The following TMEFF2 variants were observed in gnomAD, a reference collection of about 807,000 sequenced individuals.
TMEFF2 encodes the protein tomoregulin-2.
In TMEFF2, 28 loss-of-function variants were observed where a neutral mutation model predicts 53.8. That is an observed-to-expected ratio of 0.52 (90% CI 0.39 to 0.71). TMEFF2 has a LOEUF of 0.71. Ranked by LOEUF, TMEFF2 falls within the 30% of genes least tolerant of loss-of-function variation. The pLI, the probability that TMEFF2 is intolerant of heterozygous loss-of-function variation, is 0.00. For missense variants in TMEFF2, 353 were observed against 455.2 expected, an observed-to-expected ratio of 0.78 and a Z score of 2.04; for synonymous variants, 162 against 166.3, an observed-to-expected ratio of 0.97 and a Z score of 0.20.
chr2:191,951,792 G>A (rs1691892348), intron 9 of TMEFF2, among the ~76,000 whole-genome samples: 1 of 152,150 alleles, frequency 6.6e-6, no homozygotes. Context: ...AGGCAGATTT[G>A]TAAAAGGCAT....
chr2:191,964,214 TTCTGTCTG>T (rs201022991), intron 7 of TMEFF2, among the ~76,000 whole-genome samples: 3 of 148,560 alleles, frequency 2.0e-5, no homozygotes, highest in African/African-American at 5.0e-5. Context: ...CTTTCTCTCT[TTCTGTCTG>T]TCTTTCTTTC....
At chr2:191,953,320 G>T (rs190125267) in intron 9 of TMEFF2, among the ~76,000 whole-genome samples, 2 of 152,204 alleles carry the variant, frequency 1.3e-5, no homozygotes, top group Admixed American at 1.3e-4. Context: ...TGCATTTTGT[G>T]ACTGAAAACT....
At position 191,952,094 on chromosome 2, in the gene TMEFF2, A is replaced by C. The variant is rs545422901; in HGVS notation, c.1028+1585T>G. ...GCTGTGTGAAGTCAGCAATTTGCCAACTTCTACCTCAGGGTCTCTATCTTG... is the reference window on the plus strand; with the variant it reads ...GCTGTGTGAAGTCAGCAATTTGCCACCTTCTACCTCAGGGTCTCTATCTTG... On this transcript the variant is annotated intron_variant, in intron 9 of 9. Transcript: ENST00000272771. 3.3e-5 allele frequency among the ~76,000 whole-genome samples: 5 copies of C among 152,262 alleles called. No individual in the cohort carries two copies. The South Asian group carries it at 1.0e-3, about 32-fold the overall frequency.
intron 7 of TMEFF2, chr2:191,992,772 T>G (rs1389857185): frequency 2.0e-5 from 3 of 152,104 alleles, no homozygotes; most frequent in Non-Finnish European, 4.4e-5. Context: ...AAGGAAAAAT[T>G]TAAAAGCAAA....
intron 5 of TMEFF2, among the ~76,000 whole-genome samples, chr2:192,025,924 A>T (rs1686960946): frequency 6.6e-6 from 1 of 152,208 alleles, no homozygotes; most frequent in Admixed American, 6.5e-5. Context: ...CAACACATTT[A>T]TTTCTAAACT....
At chr2:192,164,753 C>T (rs1362286571) in intron 4 of TMEFF2, among the ~76,000 whole-genome samples, 1 of 151,144 alleles carries the variant, frequency 6.6e-6, no homozygotes, top group African/African-American at 2.4e-5. Flanking sequence ...AGTAACCACA[C>T]TCTGAAATGT....
At chr2:191,997,935 A>C (rs1337821699) in intron 7 of TMEFF2, among the ~76,000 whole-genome samples, 1 of 151,928 alleles carries the variant, frequency 6.6e-6, no homozygotes, top group Non-Finnish European at 1.5e-5. Context: ...ATTTATTATA[A>C]TATATTGCCA....
At position 191,949,506 on chromosome 2, in the gene TMEFF2, T is replaced by A. The variant is rs1028121968; in HGVS notation, c.*805A>T. The A allele has an allele frequency of 2.0e-6, 2 of 985,314 alleles. No homozygotes were observed. The highest frequency in any genetic ancestry group is 9.4e-5 in the South Asian group (2 of 21,290). 61.0% of individuals were successfully genotyped at this position (985,314 alleles called of 1,614,324 possible). The stretch of plus-strand genomic sequence containing the variant: ...ACATCTAGTGGTGTTATTACATTTT[T>A]CCCCTGGTAATTCCACCCACCTAAA... On this transcript the variant is annotated 3_prime_UTR_variant, in exon 10 of 10. Transcript: ENST00000272771.
chr2:192,133,145 G>T (rs998282752), intron 4 of TMEFF2, among the ~76,000 whole-genome samples: 1 of 151,896 alleles, frequency 6.6e-6, no homozygotes, highest in African/African-American at 2.4e-5. Flanking sequence ...CTCCTTTTTA[G>T]TTATCCCCAC....
chr2:192,041,726 G>C (rs965573314), intron 5 of TMEFF2, among the ~76,000 whole-genome samples: 4 of 152,132 alleles, frequency 2.6e-5, no homozygotes, highest in African/African-American at 9.7e-5. Context: ...TTCCTCAACT[G>C]ATGAACAAAT....
At chr2:192,116,310 T>A (rs187899775) in intron 4 of TMEFF2, among the ~76,000 whole-genome samples, 1 of 152,074 alleles carries the variant, frequency 6.6e-6, no homozygotes, top group East Asian at 1.9e-4. Flanking sequence ...AGAGTGTGAT[T>A]ACGGAGTGGG....
intron 7 of TMEFF2, among the ~76,000 whole-genome samples, chr2:191,960,130 C>A (rs756558511): frequency 1.3e-5 from 2 of 152,136 alleles, no homozygotes; most frequent in Admixed American, 6.5e-5. Flanking sequence ...GCCTCAGCCT[C>A]CCAAAGTGCT....
At chr2:192,177,946 ATCT>A (rs1691091438) in intron 4 of TMEFF2, 1 of 151,124 alleles carries the variant, frequency 6.6e-6, no homozygotes, top group Non-Finnish European at 1.5e-5. Context: ...CAAAGTTCAC[ATCT>A]TATTGTTAGA....
At chr2:192,057,887 T>C in intron 4 of TMEFF2, 112 bp from the exon 5 acceptor site, 2 of 810,582 alleles carry the variant, frequency 2.5e-6, no homozygotes. Context: ...CTGTCTGCTA[T>C]TGAAGCTTCA....
At chr2:192,040,915 A>G (rs1182470566) in intron 5 of TMEFF2, among the ~76,000 whole-genome samples, 1 of 152,210 alleles carries the variant, frequency 6.6e-6, no homozygotes, top group Non-Finnish European at 1.5e-5. Flanking sequence ...ACAACTGGAT[A>G]TCTACATGTA....
intron 4 of TMEFF2, among the ~76,000 whole-genome samples, chr2:192,156,933 T>C (rs1690519886): frequency 1.3e-5 from 2 of 152,038 alleles, no homozygotes; most frequent in African/African-American, 4.8e-5. Flanking sequence ...AAGTCACATT[T>C]GAGAGCCTAC....
Position 192,107,121 on chromosome 2 carries a change from G to T in TMEFF2, c.440-49346C>A, listed in dbSNP as rs1286255602. On this transcript the variant is annotated intron_variant, in intron 4 of 9. Coordinates refer to ENST00000272771, the MANE Select transcript of TMEFF2 (RefSeq NM_016192.4). Reference sequence around the variant, plus strand: ...GAGTTCCAAATATTCTGAGAAAAAAGACTAAAAGTGTTTGTACTTTATTCT... The same window carrying T: ...GAGTTCCAAATATTCTGAGAAAAAATACTAAAAGTGTTTGTACTTTATTCT... Among the ~76,000 whole-genome samples the T allele has an allele frequency of 2.6e-5, 4 of 151,790 alleles. 1 individual carries two copies. The highest frequency in any genetic ancestry group is 6.8e-3 in the Middle Eastern group (2 of 294).
chr2:192,049,327 A>T (rs1320652749), intron 5 of TMEFF2, among the ~76,000 whole-genome samples: 1 of 152,154 alleles, frequency 6.6e-6, no homozygotes, highest in East Asian at 1.9e-4. Flanking sequence ...TCTGTGCCTC[A>T]GTTTTCTGTT....
At chr2:192,063,852 T>G (rs56400856) in intron 4 of TMEFF2, among the ~76,000 whole-genome samples, 2,660 of 151,852 alleles carry the variant, frequency 0.018, 73 homozygotes, top group African/African-American at 0.06. Context: ...TCTACTTTAT[T>G]TTGATATTCA....
Sources: allele counts gnomAD v4.1 joint callset (sites outside exome capture counted in the v4.1 genomes callset), GRCh38; gene constraint gnomAD v4.1.1; transcripts MANE v1.5; gene names NCBI Gene and HGNC (gene_info 2026-07-23, HGNC 2026-07-21).